The following EXD3 variants were observed in gnomAD, a reference collection of about 807,000 sequenced individuals.
The protein encoded by EXD3 is exonuclease 3'-5' domain containing 3, also known as exonuclease mut-7 homolog.
Under a neutral mutation model 98.0 loss-of-function variants are expected in EXD3, and 92 were observed. The observed-to-expected ratio is 0.94, with a 90% CI of 0.79 to 1.12. The LOEUF (loss-of-function observed/expected upper bound fraction) is 1.12. Ranked by LOEUF, EXD3 falls within the 50% of genes most tolerant of loss-of-function variation. The pLI, the probability that EXD3 is intolerant of heterozygous loss-of-function variation, is 0.00. For missense variants in EXD3, 1,222 were observed against 1,191.6 expected, an observed-to-expected ratio of 1.03 and a Z score of -0.38; for synonymous variants, 569 against 526.0, an observed-to-expected ratio of 1.08 and a Z score of -1.12.
Position 137,351,139 on chromosome 9 carries a change from T to C in EXD3, c.1393A>G (p.Met465Val). 6.4e-7 allele frequency: 1 copy of C among 1,574,530 alleles called. No individual in the cohort carries two copies. Among genetic ancestry groups the C allele is most frequent in the Non-Finnish European group, 8.6e-7 (1 of 1,160,884 alleles). ...CCCAGTTTTTGCAGGTCCCCCACCA[T>C]CCCGTAGCCTGTGGGCAGGAACCAT... ...DPSITKLGYG[M>V]VGDLQKLGTS... Residue 465 changes from methionine to valine, a missense_variant, in exon 14 of 22, where the codon ATG (methionine) becomes GTG (valine). Coordinates refer to ENST00000340951, the MANE Select transcript of EXD3 (RefSeq NM_017820.5).
intron 17 of EXD3, among the ~76,000 whole-genome samples, chr9:137,337,887 A>C (rs1260695325): frequency 6.6e-6 from 1 of 151,844 alleles, no homozygotes; most frequent in Non-Finnish European, 1.5e-5. Flanking sequence ...TCCCGGGTTC[A>C]TGCCATTCTC....
At position 137,349,313 on chromosome 9, in the gene EXD3, G is replaced by A; in HGVS notation, c.1658-31C>T. 1.3e-6 allele frequency: 2 copies of A among 1,552,534 alleles called. No homozygotes were observed. The highest frequency in any genetic ancestry group is 1.7e-6 in the Non-Finnish European group (2 of 1,154,452). ...TGGGGAGTCGGCCTCAGCCTCCCGG[G>A]ACAGAGGGCGGGAGGGGCGTGAGGA... On this transcript the variant is annotated intron_variant, in intron 15 of 21. Transcript: ENST00000340951. This position sits in a 1 kb window ranked among gnomAD's most constrained non-coding sequence, Gnocchi z 7.4.
Position 137,405,212 on chromosome 9 carries a change from C to T in EXD3, c.-47-9808G>A, listed in dbSNP as rs181423261. On this transcript the variant is annotated intron_variant, in intron 1 of 21. Coordinates refer to ENST00000340951, the MANE Select transcript of EXD3 (RefSeq NM_017820.5). This position sits in a 1 kb window ranked among gnomAD's most constrained non-coding sequence, Gnocchi z 4.1. ...ATCCCACCCTTGGACCTCCTAACTG[C>T]GCTGGGGTCCGGCACAGTGGGCTCT... Among the ~76,000 whole-genome samples, 11 of 152,358 alleles carry T rather than the reference C, an allele frequency of 7.2e-5. No homozygotes were observed. In the East Asian group the frequency reaches 1.2e-3, roughly 16 times the overall value.
chr9:137,346,153 G>A (rs1248327839), intron 17 of EXD3, among the ~76,000 whole-genome samples: 3 of 147,460 alleles, frequency 2.0e-5, no homozygotes, highest in African/African-American at 5.1e-5. Flanking sequence ...GCAGGAGAAT[G>A]GCATGAACCT....
chr9:137,328,485 A>ACTAATATACACCCACATG (rs1336695260), intron 17 of EXD3, among the ~76,000 whole-genome samples: 4 of 151,746 alleles, frequency 2.6e-5, no homozygotes, highest in Admixed American at 6.5e-5. Context: ...AGTAAAAACA[A>ACTAATATACACCCACATG]AAGTAAAAAC....
intron 7 of EXD3, among the ~76,000 whole-genome samples, chr9:137,363,338 T>A (rs1188334318): frequency 1.1e-4 from 2 of 18,106 alleles, no homozygotes; most frequent in African/African-American, 2.7e-4. Flanking sequence ...CAATTTCCTT[T>A]TTTTTTTTTT....
At chr9:137,373,303 C>A in intron 4 of EXD3, 123 bp downstream of exon 4, 1 of 1,265,790 alleles carries the variant, frequency 7.9e-7, no homozygotes, top group Non-Finnish European at 1.1e-6. Flanking sequence ...CCCCCAGCAT[C>A]CCCCTCCCCT....
rs1273505224 is a variant in EXD3 at position 137,324,501 on chromosome 9, C to T, written c.1999-358G>A. Among the ~76,000 whole-genome samples, 2 of 152,024 alleles carry T rather than the reference C, an allele frequency of 1.3e-5. No homozygotes were observed. The highest frequency in any genetic ancestry group is 2.4e-5 in the African/African-American group (1 of 41,384). On this transcript the variant is annotated intron_variant, in intron 17 of 21. Transcript: ENST00000340951. This position sits in a 1 kb window ranked among gnomAD's most constrained non-coding sequence, Gnocchi z 4.1. ...AGATTTGAAAACACAGTAACTTGCCCCTAGCTCATAGGGAGCCAACTACAC... is the reference window on the plus strand; with the variant it reads ...AGATTTGAAAACACAGTAACTTGCCTCTAGCTCATAGGGAGCCAACTACAC...
At chr9:137,367,739 G>A (rs973755676) in intron 6 of EXD3, 197 bp downstream of exon 6, 48 of 563,112 alleles carry the variant, frequency 8.5e-5, no homozygotes, top group South Asian at 5.5e-4. Context: ...GTGTACGTGC[G>A]GCTGCGTCTG....
intron 5 of EXD3, among the ~76,000 whole-genome samples, chr9:137,372,173 G>C (rs1001985843): frequency 6.6e-6 from 1 of 152,180 alleles, no homozygotes; most frequent in African/African-American, 2.4e-5. Flanking sequence ...GACCTGGCCC[G>C]GGACCGAAAG....
At chr9:137,348,688 TAG>T (rs1282582778) in intron 16 of EXD3, among the ~76,000 whole-genome samples, 3 of 52,876 alleles carry the variant, frequency 5.7e-5, no homozygotes, top group Admixed American at 2.5e-4. Context: ...GGGGAGGGGT[TAG>T]ATAGAGAGGG....
intron 17 of EXD3, among the ~76,000 whole-genome samples, chr9:137,336,825 GA>G (rs376692323): frequency 0.015 from 2,281 of 151,254 alleles, 35 homozygotes; most frequent in African/African-American, 0.05. Context: ...CTAAAAGCAT[GA>G]AAAAAAAGAG....
At chr9:137,413,349 T>C (rs1295423857) in intron 1 of EXD3, among the ~76,000 whole-genome samples, 7 of 151,534 alleles carry the variant, frequency 4.6e-5, no homozygotes, top group East Asian at 1.9e-4. Flanking sequence ...TATAGGCGCC[T>C]GCCACCACGC....
In EXD3 at chr9:137,395,603, C is replaced by T. The variant is rs1347570904; in HGVS notation, c.-47-199G>A. ...TGACGGCTGCCAAGTTTGGACCCTG[C>T]ATTCCAGTTCCCTGCCAAACCGTCC... On this transcript the variant is annotated intron_variant, in intron 1 of 21. Transcript: ENST00000340951. The surrounding 1 kb of genome is among the most constrained non-coding windows in gnomAD (Gnocchi z 6.5). 6.6e-6 allele frequency among the ~76,000 whole-genome samples: 1 copy of T among 150,734 alleles called. No homozygotes were observed. The highest frequency in any genetic ancestry group is 1.5e-5 in the Non-Finnish European group (1 of 67,546).
intron 3 of EXD3, 102 bp downstream of exon 3, chr9:137,383,211 G>T: frequency 1.0e-6 from 1 of 978,008 alleles, no homozygotes; most frequent in Non-Finnish European, 1.6e-6. Context: ...GGGGGGCTGT[G>T]CAGCTTCCTG....
chr9:137,359,091 C>T (rs548937653), intron 7 of EXD3, among the ~76,000 whole-genome samples: 2 of 35,656 alleles, frequency 5.6e-5, no homozygotes, highest in Non-Finnish European at 8.1e-5. Context: ...GGACTACAGG[C>T]GCCCGCCACC....
intron 1 of EXD3, among the ~76,000 whole-genome samples, chr9:137,418,720 C>T (rs867732035): frequency 2.7e-5 from 4 of 150,794 alleles, no homozygotes; most frequent in African/African-American, 4.9e-5. Context: ...AACAACATTT[C>T]GTGTAGTAAT....
intron 1 of EXD3, among the ~76,000 whole-genome samples, chr9:137,422,013 T>C (rs146410947): frequency 7.3e-5 from 11 of 151,324 alleles, no homozygotes; most frequent in Non-Finnish European, 1.2e-4. Context: ...AAACTAGAGA[T>C]GATTCAACAG....
chr9:137,377,783 G>A (rs888172579), intron 3 of EXD3, among the ~76,000 whole-genome samples: 5 of 148,102 alleles, frequency 3.4e-5, no homozygotes, highest in African/African-American at 5.1e-5. Flanking sequence ...AAAAATAGTC[G>A]TTGAATTTTT....
Sources: allele counts gnomAD v4.1 joint callset (sites outside exome capture counted in the v4.1 genomes callset), GRCh38; gene constraint gnomAD v4.1.1; non-coding constraint Gnocchi (gnomAD v3.1); transcripts MANE v1.5; gene names NCBI Gene and HGNC (gene_info 2026-07-23, HGNC 2026-07-21).